PTBP2: variants seen among roughly 807,000 people sequenced by gnomAD.
The protein encoded by PTBP2 is polypyrimidine tract binding protein 2, also known as polypyrimidine tract-binding protein 2.
A neutral mutation model predicts 61.4 loss-of-function variants in PTBP2; 13 were observed. That is an observed-to-expected ratio of 0.21 (90% CI 0.14 to 0.34). The LOEUF is 0.34. PTBP2 is among the 10% of genes least tolerant of loss of function. The pLI, the probability that PTBP2 is intolerant of heterozygous loss-of-function variation, is 1.00. For synonymous variants in PTBP2, 215 were observed against 218.5 expected (o/e 0.98, Z 0.14); for missense variants, 405 against 642.6 (o/e 0.63, Z 4.00).
intron 5 of PTBP2, chr1:96,771,541 G>C (rs906914543): frequency 1.3e-5 from 2 of 151,808 alleles, no homozygotes; most frequent in African/African-American, 2.4e-5. Context: ...CATTTTGTTA[G>C]TTTATGGAAA....
chr1:96,794,661 C>A (rs915087072), intron 8 of PTBP2, among the ~76,000 whole-genome samples: 2 of 152,102 alleles, frequency 1.3e-5, no homozygotes, highest in Admixed American at 1.3e-4. Flanking sequence ...GGTTTCTGTT[C>A]TCATGAAGCT....
chr1:96,758,607 A>G (rs1034876471), intron 3 of PTBP2, among the ~76,000 whole-genome samples: 1 of 152,122 alleles, frequency 6.6e-6, no homozygotes, highest in Non-Finnish European at 1.5e-5. Context: ...GTAATTTGTC[A>G]CAATGATAGA....
intron 3 of PTBP2, among the ~76,000 whole-genome samples, chr1:96,761,570 G>A (rs1655875218): frequency 1.3e-5 from 2 of 151,950 alleles, no homozygotes; most frequent in African/African-American, 2.4e-5. Context: ...ATGATAAAAC[G>A]AGTTATCTGG....
chr1:96,778,385 T>TC (rs1658279879), intron 7 of PTBP2, among the ~76,000 whole-genome samples: 1 of 100,702 alleles, frequency 9.9e-6, no homozygotes, highest in African/African-American at 4.2e-5. Flanking sequence ...CTCTTTAATG[T>TC]CTTTTTTTTA....
At chr1:96,763,448 CG>C (rs1219938124) in intron 3 of PTBP2, among the ~76,000 whole-genome samples, 2 of 151,412 alleles carry the variant, frequency 1.3e-5, no homozygotes, top group East Asian at 3.9e-4. Context: ...CGTGGCGGCG[CG>C]TGCCTGCAAT....
chr1:96,755,689 A>G (rs555188331), intron 3 of PTBP2, among the ~76,000 whole-genome samples: 2 of 152,232 alleles, frequency 1.3e-5, no homozygotes, highest in Non-Finnish European at 2.9e-5. Flanking sequence ...CAACAGCAAG[A>G]ATGAATCTCC....
intron 7 of PTBP2, 119 bp from the exon 8 acceptor site, chr1:96,784,940 C>A: frequency 1.3e-6 from 1 of 783,924 alleles, no homozygotes; most frequent in Non-Finnish European, 1.9e-6. Context: ...AATTTGAATC[C>A]TTTTCCTGGT....
chr1:96,758,552 T>A (rs557496467), intron 3 of PTBP2, among the ~76,000 whole-genome samples: 2 of 152,190 alleles, frequency 1.3e-5, no homozygotes, highest in South Asian at 2.1e-4. Context: ...CTGAGACTTA[T>A]CGCAGGATTG....
intron 6 of PTBP2, 29 bp from the exon 7 acceptor site, chr1:96,777,803 ATAAG>A (rs772014313): frequency 1.5e-5 from 23 of 1,534,670 alleles, no homozygotes; most frequent in Admixed American, 1.3e-4. Context: ...AATATAGTAA[ATAAG>A]TAATGTTTTG....
intron 3 of PTBP2, among the ~76,000 whole-genome samples, chr1:96,764,613 C>T (rs928480096): frequency 6.6e-6 from 1 of 151,774 alleles, no homozygotes; most frequent in Non-Finnish European, 1.5e-5. Flanking sequence ...TTACTTAGAA[C>T]TCTTTTAAGA....
intron 2 of PTBP2, among the ~76,000 whole-genome samples, chr1:96,728,763 TG>T (rs752668462): frequency 1.4e-4 from 22 of 152,022 alleles, no homozygotes; most frequent in Non-Finnish European, 2.8e-4. Flanking sequence ...TGGGGAAAAT[TG>T]GCATCATGAC....
chr1:96,822,423 T>C (rs1196163024), exon 14 of PTBP2: 1 of 152,052 alleles, frequency 6.6e-6, no homozygotes, highest in East Asian at 1.9e-4. Flanking sequence ...AATAGAGAAA[T>C]ACGTTTGGAT....
At chr1:96,793,126 C>T (rs1660021908) in intron 8 of PTBP2, among the ~76,000 whole-genome samples, 1 of 152,126 alleles carries the variant, frequency 6.6e-6, no homozygotes, top group Non-Finnish European at 1.5e-5. Flanking sequence ...CTAACTGTCC[C>T]ATAACTTCGG....
downstream of PTBP2, chr1:96,818,479 A>C (rs1182494083): frequency 4.6e-5 from 7 of 152,162 alleles, no homozygotes; most frequent in Middle Eastern, 3.4e-3. Context: ...TAATATCTAG[A>C]CTAGCCTAGC....
intron 2 of PTBP2, among the ~76,000 whole-genome samples, chr1:96,748,533 G>T (rs896158510): frequency 5.5e-4 from 84 of 151,946 alleles, no homozygotes; most frequent in Non-Finnish European, 1.1e-3. Flanking sequence ...TCTTGAAATG[G>T]TCATTGATAT....
intron 8 of PTBP2, 118 bp from the exon 9 acceptor site, chr1:96,804,682 C>T: frequency 1.0e-6 from 1 of 971,970 alleles, no homozygotes; most frequent in Non-Finnish European, 1.5e-6. Flanking sequence ...TTTCAGGAAC[C>T]ATTTGGAATG....
intron 8 of PTBP2, among the ~76,000 whole-genome samples, chr1:96,787,196 T>G (rs1162440064): frequency 5.3e-5 from 8 of 151,938 alleles, no homozygotes; most frequent in Non-Finnish European, 1.0e-4. Flanking sequence ...AACTTTTGTC[T>G]TTTTTCGTAG....
At chr1:96,794,539 C>T (rs987343353) in intron 8 of PTBP2, among the ~76,000 whole-genome samples, 3 of 152,084 alleles carry the variant, frequency 2.0e-5, no homozygotes, top group African/African-American at 4.8e-5. Flanking sequence ...ATTTCATAGC[C>T]CTAGAAGGAT....
intron 3 of PTBP2, among the ~76,000 whole-genome samples, chr1:96,760,696 C>T (rs769325747): frequency 1.3e-5 from 2 of 152,086 alleles, no homozygotes; most frequent in Admixed American, 6.6e-5. Flanking sequence ...CTGCCCACGT[C>T]GGCCTCCCAG....
Sources: gnomAD v4.1 joint callset for allele counts (sites outside exome capture counted in the v4.1 genomes callset) on GRCh38, gnomAD v4.1.1 for gene constraint, MANE v1.5 for transcripts, NCBI Gene and HGNC (gene_info 2026-07-23, HGNC 2026-07-21) for gene names.